The following PRDM14 variants were observed in gnomAD, a reference collection of about 807,000 sequenced individuals.
The protein encoded by PRDM14 is PR domain zinc finger protein 14.
PRDM14 carries 16 observed loss-of-function variants against 48.0 expected under a neutral mutation model. The ratio of observed to expected loss-of-function variants is 0.33; its 90% CI spans 0.23 to 0.51. PRDM14 has a LOEUF of 0.51. Ranked by LOEUF, PRDM14 falls within the 20% of genes least tolerant of loss-of-function variation. The pLI is 0.97. For synonymous variants in PRDM14, 264 were observed against 276.6 expected, an observed-to-expected ratio of 0.95 and a Z score of 0.45; for missense variants, 566 against 719.6, an observed-to-expected ratio of 0.79 and a Z score of 2.44.
At chr8:70,056,198 G>A (rs1337033456) in intron 6 of PRDM14, among the ~76,000 whole-genome samples, 2 of 152,110 alleles carry the variant, frequency 1.3e-5, no homozygotes, top group Non-Finnish European at 2.9e-5. Flanking sequence ...TTGTTCACAC[G>A]CTGTGAATAA....
chr8:70,070,041 A>T (rs1315337042), intron 1 of PRDM14, among the ~76,000 whole-genome samples, 157 bp from the exon 2 acceptor site: 6 of 152,154 alleles, frequency 3.9e-5, no homozygotes, highest in Admixed American at 3.9e-4. Context: ...TCCCACAATT[A>T]AGACAAAACG....
Position 70,052,092 on chromosome 8 carries a change from A to G in PRDM14, c.1701T>C (p.Phe567=). Reference sequence around the variant, plus strand: ...CCTGGCAGGGCTAGTAGTCTTCATGAAACTTCATGTGGGAGTAGAATGTTT... The same window carrying G: ...CCTGGCAGGGCTAGTAGTCTTCATGGAACTTCATGTGGGAGTAGAATGTTT... ...DQETFYSHMK[F]HEDY Residue 567 remains phenylalanine, a synonymous_variant, in exon 8 of 8, where the codon TTT becomes TTC. Transcript: ENST00000276594. The G allele has an allele frequency of 6.2e-7, 1 of 1,606,048 alleles. No individual in the cohort carries two copies. The highest frequency in any genetic ancestry group is 1.1e-5 in the South Asian group (1 of 90,040).
chr8:70,058,888 C>A, intron 5 of PRDM14, 46 bp from the exon 6 acceptor site: 1 of 1,414,134 alleles, frequency 7.1e-7, no homozygotes, highest in Non-Finnish European at 9.9e-7. Context: ...ACTTCCCTCC[C>A]TAGTTCCTTC....
chr8:70,057,591 C>G (rs1805497701), intron 6 of PRDM14, among the ~76,000 whole-genome samples: 1 of 152,154 alleles, frequency 6.6e-6, no homozygotes, highest in South Asian at 2.1e-4. Flanking sequence ...CTCAGCCTCC[C>G]AAGGTGCTGA....
At position 70,069,604 on chromosome 8, in the gene PRDM14, C is replaced by T. The variant is rs1284275644; in HGVS notation, c.257G>A (p.Arg86Lys). ...PLLSPGLGLQ[R>K]EPLYDLPWYS... is the part of the protein sequence containing the mutation. ...CCAGGGCAGATCGTAGAGAGGCTCC[C>T]TCTGTAGGCCCAGACCCGGGCTCAG... Residue 86 changes from arginine (R) to lysine (K), a missense_variant, in exon 2 of 8, where the codon AGG (arginine) becomes AAG (lysine). Transcript: ENST00000276594. The T allele has an allele frequency of 5.0e-6, 8 of 1,587,496 alleles. No individual in the cohort carries two copies. The highest frequency in any genetic ancestry group is 6.9e-6 in the Non-Finnish European group (8 of 1,167,460).
chr8:70,057,448 A>G (rs1293184794), intron 6 of PRDM14, among the ~76,000 whole-genome samples: 1 of 150,050 alleles, frequency 6.7e-6, no homozygotes, highest in Non-Finnish European at 1.5e-5. Context: ...TCCTGCCTCA[A>G]CCTCTAGAGT....
intron 6 of PRDM14, among the ~76,000 whole-genome samples, chr8:70,057,997 A>T (rs1278674550): frequency 6.6e-6 from 1 of 152,192 alleles, no homozygotes; most frequent in South Asian, 2.1e-4. Flanking sequence ...GCAAGAATAC[A>T]TCTGTGCCCA....
chr8:70,057,288 C>A (rs1805491684), intron 6 of PRDM14, among the ~76,000 whole-genome samples: 1 of 139,156 alleles, frequency 7.2e-6, no homozygotes, highest in Non-Finnish European at 1.6e-5. Flanking sequence ...AGCAAGCATT[C>A]TATACATCTT....
chr8:70,067,999 G>A (rs1805700551), intron 4 of PRDM14, among the ~76,000 whole-genome samples: 1 of 152,068 alleles, frequency 6.6e-6, no homozygotes, highest in African/African-American at 2.4e-5. Flanking sequence ...TAATCTTCCA[G>A]ACTAAAATGA....
At chr8:70,057,779 G>A (rs1805500272) in intron 6 of PRDM14, among the ~76,000 whole-genome samples, 1 of 152,102 alleles carries the variant, frequency 6.6e-6, no homozygotes, top group Non-Finnish European at 1.5e-5. Context: ...AATCCTTTTA[G>A]AATTACACAA....
At chr8:70,062,701 G>A (rs1033397752) in intron 5 of PRDM14, among the ~76,000 whole-genome samples, 2 of 152,112 alleles carry the variant, frequency 1.3e-5, no homozygotes, top group Non-Finnish European at 2.9e-5. Context: ...CCTGATCTCA[G>A]GTGATCTGCC....
At chr8:70,053,735 A>T (rs1325916407) in intron 7 of PRDM14, among the ~76,000 whole-genome samples, 1 of 151,988 alleles carries the variant, frequency 6.6e-6, no homozygotes. Flanking sequence ...ATTGACACAC[A>T]CTTTGGAGGT....
At chr8:70,058,865 T>G in intron 5 of PRDM14, 23 bp from the exon 6 acceptor site, 1 of 1,585,890 alleles carries the variant, frequency 6.3e-7, no homozygotes, top group South Asian at 1.1e-5. Context: ...GCAAACACAA[T>G]GTCTCTTCAG....
At chr8:70,055,092 C>T (rs1805451498) in intron 7 of PRDM14, among the ~76,000 whole-genome samples, 1 of 152,214 alleles carries the variant, frequency 6.6e-6, no homozygotes, top group Non-Finnish European at 1.5e-5. Context: ...ATTACATGTA[C>T]TCTAAATGCC....
chr8:70,064,835 T>A (rs977308497), intron 5 of PRDM14, among the ~76,000 whole-genome samples: 25 of 149,166 alleles, frequency 1.7e-4, no homozygotes, highest in African/African-American at 5.4e-4. Flanking sequence ...ATTTTTTTTT[T>A]AAACCTGCTC....
At chr8:70,070,504 C>T (rs1805748942) in intron 1 of PRDM14, among the ~76,000 whole-genome samples, 1 of 152,012 alleles carries the variant, frequency 6.6e-6, no homozygotes, top group African/African-American at 2.4e-5. Flanking sequence ...TGCTCTGGCC[C>T]AGCGGTGTGA....
intron 6 of PRDM14, among the ~76,000 whole-genome samples, chr8:70,056,601 C>T (rs1805476013): frequency 6.6e-6 from 1 of 151,984 alleles, no homozygotes; most frequent in Non-Finnish European, 1.5e-5. Flanking sequence ...GGTGTCTCAG[C>T]CTCCCGAGTG....
chr8:70,053,332 CTTCT>C (rs1202443075), intron 7 of PRDM14, among the ~76,000 whole-genome samples: 1 of 151,796 alleles, frequency 6.6e-6, no homozygotes, highest in East Asian at 1.9e-4. Context: ...TTTTCTTCTT[CTTCT>C]TCTTCTTTTT....
intron 5 of PRDM14, among the ~76,000 whole-genome samples, chr8:70,063,049 G>T (rs1490866170): frequency 1.3e-5 from 2 of 152,054 alleles, no homozygotes; most frequent in Non-Finnish European, 2.9e-5. Context: ...TTTCCTTTTG[G>T]ACTATTTCTC....
Sources: allele counts gnomAD v4.1 joint callset (sites outside exome capture counted in the v4.1 genomes callset), GRCh38; gene constraint gnomAD v4.1.1; transcripts MANE v1.5; gene names NCBI Gene and HGNC (gene_info 2026-07-23, HGNC 2026-07-21).